The following ARIH1 variants were observed in gnomAD, a reference collection of about 807,000 sequenced individuals.
The protein encoded by ARIH1 is ariadne RBR E3 ubiquitin protein ligase 1, also known as E3 ubiquitin-protein ligase ARIH1.
In ARIH1, 8 loss-of-function variants were observed where a neutral mutation model predicts 85.0. The ratio of observed to expected loss-of-function variants is 0.09; its 90% CI spans 0.06 to 0.17. The LOEUF (loss-of-function observed/expected upper bound fraction) is 0.17, where lower values mean the gene tolerates loss of function less well. Among genes scored for constraint, ARIH1 ranks in the 10% least tolerant of loss-of-function variants. The pLI is 1.00. For synonymous variants in ARIH1, 238 were observed against 253.6 expected, an observed-to-expected ratio of 0.94 and a Z score of 0.59; for missense variants, 311 against 718.1, an observed-to-expected ratio of 0.43 and a Z score of 6.48.
At chr15:72,481,257 G>A (rs2063815569) in intron 1 of ARIH1, among the ~76,000 whole-genome samples, 1 of 152,196 alleles carries the variant, frequency 6.6e-6, no homozygotes, top group Non-Finnish European at 1.5e-5. Context: ...GGGTCTGGCT[G>A]TCTGTTTTAA....
At chr15:72,550,571 T>C (rs552130756) in intron 3 of ARIH1, among the ~76,000 whole-genome samples, 1 of 152,326 alleles carries the variant, frequency 6.6e-6, no homozygotes, top group East Asian at 1.9e-4. Flanking sequence ...CAAATCTCCT[T>C]CTCTGATGGG....
intron 9 of ARIH1, 70 bp downstream of exon 9, chr15:72,567,247 G>A (rs920462098): frequency 1.7e-6 from 2 of 1,209,166 alleles, no homozygotes; most frequent in South Asian, 1.3e-5. Context: ...ATTAGCAAAA[G>A]CAATGAGGTG....
At position 72,544,844 on chromosome 15, in the gene ARIH1, G is replaced by T; in HGVS notation, c.468G>T (p.Lys156Asn). 6.2e-7 allele frequency: 1 copy of T among 1,613,044 alleles called. No homozygotes were observed. The highest frequency in any genetic ancestry group is 8.5e-7 in the Non-Finnish European group (1 of 1,179,304). ...GGTACTTTGATGGAAACCTGGAGAA[G>T]CTCTTTGCTGAGTGTCATGTAATTA... ...MERYFDGNLE[K>N]LFAECHVINP... is the part of the protein sequence containing the mutation. The change falls in exon 3 of 14, where the codon AAG becomes AAT. Residue 156 changes from lysine to asparagine, a missense_variant. Lys to Asn is a moderately conservative substitution (Grantham distance 94). Coordinates refer to ENST00000379887, the MANE Select transcript of ARIH1 (RefSeq NM_005744.5).
At chr15:72,575,050 A>G (rs910697931) in intron 11 of ARIH1, among the ~76,000 whole-genome samples, 9 of 151,698 alleles carry the variant, frequency 5.9e-5, no homozygotes, top group African/African-American at 2.2e-4. Flanking sequence ...GTGAGCCATG[A>G]TGACGCCACC....
At chr15:72,512,745 T>C (rs2063955993) in intron 1 of ARIH1, among the ~76,000 whole-genome samples, 1 of 152,080 alleles carries the variant, frequency 6.6e-6, no homozygotes, top group Admixed American at 6.5e-5. Context: ...TTTCTAATTT[T>C]CTTTGAGATT....
intron 7 of ARIH1, 39 bp from the exon 8 acceptor site, chr15:72,566,524 T>C: frequency 6.5e-7 from 1 of 1,547,750 alleles, no homozygotes; most frequent in Non-Finnish European, 8.9e-7. Flanking sequence ...TTACAGTAGG[T>C]AGGCCTTAAT....
intron 1 of ARIH1, among the ~76,000 whole-genome samples, chr15:72,493,906 A>G (rs577646916): frequency 8.3e-4 from 126 of 152,276 alleles, no homozygotes; most frequent in African/African-American, 3.0e-3. Flanking sequence ...GTGCATACAT[A>G]TATTTTCTTG....
At chr15:72,577,627 C>T (rs1175077523) in intron 11 of ARIH1, among the ~76,000 whole-genome samples, 1 of 152,158 alleles carries the variant, frequency 6.6e-6, no homozygotes, top group East Asian at 1.9e-4. Flanking sequence ...GAGCCGAGAT[C>T]GCACCATTGC....
chr15:72,474,704 G>A lies in ARIH1; in HGVS notation c.65G>A (p.Ser22Asn), dbSNP rs2063786279. Reference sequence around the variant, plus strand: ...GACGAGGAGTGCAGTGAGGAGGACAGCGGCGCCGAGGAGGAGGAGGACGAA... The same window carrying A: ...GACGAGGAGTGCAGTGAGGAGGACAACGGCGCCGAGGAGGAGGAGGACGAA... ...DEDEECSEED[S>N]GAEEEEDEDD... Residue 22 changes from serine to asparagine, a missense_variant, in exon 1 of 14, where the codon AGC becomes AAC. Physicochemically the swap from Ser to Asn is conservative, Grantham distance 46. Transcript: ENST00000379887. 1 of 1,569,056 alleles carries A rather than the reference G, an allele frequency of 6.4e-7. No individual in the cohort carries two copies. Among genetic ancestry groups the A allele is most frequent in the Non-Finnish European group, 8.6e-7 (1 of 1,159,138 alleles).
At chr15:72,533,032 A>G (rs1288543292) in intron 2 of ARIH1, among the ~76,000 whole-genome samples, 1 of 152,264 alleles carries the variant, frequency 6.6e-6, no homozygotes, top group Non-Finnish European at 1.5e-5. Context: ...TCGTATCTCC[A>G]GTTCAATTCA....
intron 1 of ARIH1, among the ~76,000 whole-genome samples, chr15:72,491,117 G>GA (rs2063857497): frequency 1.3e-5 from 2 of 151,736 alleles, no homozygotes; most frequent in Middle Eastern, 3.2e-3. Flanking sequence ...CTCTTGTCTC[G>GA]AAAAAAATAA....
chr15:72,580,390 G>A (rs1056010236), intron 11 of ARIH1, among the ~76,000 whole-genome samples: 1 of 152,182 alleles, frequency 6.6e-6, no homozygotes, highest in Non-Finnish European at 1.5e-5. Context: ...TGTAGTGAAT[G>A]TGAGAGTACA....
chr15:72,586,446 C>G lies in ARIH1; in HGVS notation c.*3154C>G, dbSNP rs1240422009. 6.6e-6 allele frequency: 1 copy of G among 152,058 alleles called. No individual in the cohort carries two copies. The highest frequency in any genetic ancestry group is 1.9e-4 in the East Asian group (1 of 5,204). The allele number at this position is 152,058 out of a possible 1,614,324, so 9.4% of individuals were successfully genotyped here. A position where few individuals can be genotyped will look rare whatever the true frequency, so the allele number is the denominator to read the frequency against. ...CCCTGTAATTTTGTGCATAGAGCACCCTATGCTGTGGAAATAACTGTTCTT... is the reference window on the plus strand; with the variant it reads ...CCCTGTAATTTTGTGCATAGAGCACGCTATGCTGTGGAAATAACTGTTCTT... On this transcript the variant is annotated 3_prime_UTR_variant, in exon 14 of 14. Coordinates refer to ENST00000379887, the MANE Select transcript of ARIH1 (RefSeq NM_005744.5).
At chr15:72,481,938 G>A (rs1487133022) in intron 1 of ARIH1, among the ~76,000 whole-genome samples, 1 of 152,086 alleles carries the variant, frequency 6.6e-6, no homozygotes, top group Non-Finnish European at 1.5e-5. Flanking sequence ...CTGGGTTCAA[G>A]CGATTCTCCT....
rs972468873 is a variant in ARIH1 at position 72,591,219 on chromosome 15, C to CAAAAAA, written c.*7946_*7951dup. On this transcript the variant is annotated 3_prime_UTR_variant, in exon 14 of 14. Coordinates refer to ENST00000379887, the MANE Select transcript of ARIH1 (RefSeq NM_005744.5). ...CCTGGGCGACAGAGAGACTCTGTCT[C>CAAAAAA]AAAAAAAAAAAAAAAAAAAAAAAAG... 23 of 43,854 alleles carry CAAAAAA rather than the reference C, an allele frequency of 5.2e-4. No homozygotes were observed. Among genetic ancestry groups the CAAAAAA allele is most frequent in the Admixed American group, 9.4e-4 (4 of 4,246 alleles). 2.7% of individuals were successfully genotyped at this position (43,854 alleles called of 1,614,324 possible).
intron 2 of ARIH1, among the ~76,000 whole-genome samples, chr15:72,533,280 C>T (rs1429379279): frequency 6.6e-6 from 1 of 152,132 alleles, no homozygotes; most frequent in Non-Finnish European, 1.5e-5. Flanking sequence ...CAGGACCATG[C>T]CCCCAAGCAC....
chr15:72,545,935 A>G (rs904753677), intron 3 of ARIH1, among the ~76,000 whole-genome samples: 10 of 152,228 alleles, frequency 6.6e-5, no homozygotes, highest in African/African-American at 2.4e-4. Context: ...ACTTAATTCT[A>G]TGATAATTAC....
intron 11 of ARIH1, 38 bp downstream of exon 11, chr15:72,572,203 A>G: frequency 1.4e-6 from 2 of 1,399,156 alleles, no homozygotes; most frequent in South Asian, 1.2e-5. Flanking sequence ...TTGACTAAGA[A>G]TGCACGTTGT....
At chr15:72,543,283 G>A (rs2064115817) in intron 2 of ARIH1, among the ~76,000 whole-genome samples, 1 of 151,998 alleles carries the variant, frequency 6.6e-6, no homozygotes, top group Non-Finnish European at 1.5e-5. Flanking sequence ...CTTGAACCTG[G>A]GCGGCAAAGG....
Sources: gnomAD v4.1 joint callset for allele counts (sites outside exome capture counted in the v4.1 genomes callset) on GRCh38, gnomAD v4.1.1 for gene constraint, MANE v1.5 for transcripts, NCBI Gene and HGNC (gene_info 2026-07-23, HGNC 2026-07-21) for gene names.